Variants in PAX4 observed in about 807,000 individuals in gnomAD.
PAX4 encodes the protein paired box protein Pax-4.
A neutral mutation model predicts 40.6 loss-of-function variants in PAX4; 33 were observed. The observed-to-expected ratio is 0.81, with a 90% CI of 0.62 to 1.09. The LOEUF (loss-of-function observed/expected upper bound fraction) is 1.09. PAX4 is among the 50% of genes least tolerant of loss of function. PAX4 has a pLI of 0.00. For synonymous variants in PAX4, 174 were observed against 170.6 expected (o/e 1.02, Z -0.16); for missense variants, 459 against 442.5 (o/e 1.04, Z -0.33).
chr7:127,611,021 T>C lies in PAX4; in HGVS notation c.*43A>G. On this transcript the variant is annotated 3_prime_UTR_variant, in exon 12 of 12. Coordinates refer to ENST00000639438, the MANE Select transcript of PAX4 (RefSeq NM_001366110.1). The stretch of plus-strand genomic sequence containing the variant: ...AGGACGGTAAGGACAATGGGCAGGA[T>C]GGTATTAGATCTTCTCTATGCCATC... 1 of 1,572,178 alleles carries C rather than the reference T, an allele frequency of 6.4e-7. No homozygotes were observed. Among genetic ancestry groups the C allele is most frequent in the Non-Finnish European group, 8.6e-7 (1 of 1,156,312 alleles).
chr7:127,614,864 A>T lies in PAX4; in HGVS notation c.360+16T>A. 1 of 1,612,788 alleles carries T rather than the reference A, an allele frequency of 6.2e-7. No individual in the cohort carries two copies. Among genetic ancestry groups the T allele is most frequent in the Non-Finnish European group, 8.5e-7 (1 of 1,179,374 alleles). On this transcript the variant is annotated intron_variant, in intron 5 of 11. Transcript: ENST00000639438. ...CCTCTTTTCCAGCCCCAGTGTGGGG[A>T]GGGAAGGGTACTTACACTGGGAGTC...
chr7:127,610,824 A>G lies in PAX4; in HGVS notation c.*240T>C. On this transcript the variant is annotated 3_prime_UTR_variant, in exon 12 of 12. Transcript: ENST00000639438. ...ACTACTGCTAATAAAAACAGCTTTTATTACTGCTGAGTGGAGGCCTCTTAA... is the reference window on the plus strand; with the variant it reads ...ACTACTGCTAATAAAAACAGCTTTTGTTACTGCTGAGTGGAGGCCTCTTAA... The G allele has an allele frequency of 6.6e-7, 1 of 1,511,268 alleles. No individual in the cohort carries two copies. The highest frequency in any genetic ancestry group is 8.9e-7 in the Non-Finnish European group (1 of 1,123,890). 93.6% of individuals were successfully genotyped at this position (1,511,268 alleles called of 1,614,324 possible). A position where few individuals can be genotyped will look rare whatever the true frequency, so the allele number is the denominator to read the frequency against.
intron 4 of PAX4, 72 bp downstream of exon 4, chr7:127,615,329 C>A: frequency 1.9e-6 from 3 of 1,613,250 alleles, no homozygotes. Context: ...CAGCCCCAGG[C>A]TCTTGCCTTC....
Position 127,613,035 on chromosome 7 carries a change from T to C in PAX4, c.702A>G (p.Glu234=). ...CAGAGAAATCACCTGGCAGCTGCATTTCCCACTTGAGCTTCTCTTGCCGAC... is the reference window on the plus strand; with the variant it reads ...CAGAGAAATCACCTGGCAGCTGCATCTCCCACTTGAGCTTCTCTTGCCGAC... The part of the protein sequence containing the change: ...KWRRQEKLKW[E]MQLPGASQGL... Residue 234 remains glutamate (E), a synonymous_variant, in exon 9 of 12, where the codon GAA becomes GAG. Coordinates refer to ENST00000639438, the MANE Select transcript of PAX4 (RefSeq NM_001366110.1). The C allele has an allele frequency of 1.2e-6, 2 of 1,612,892 alleles. No homozygotes were observed. The highest frequency in any genetic ancestry group is 1.7e-6 in the Non-Finnish European group (2 of 1,179,826).
chr7:127,613,022 C>T lies in PAX4; in HGVS notation c.715G>A (p.Gly239Ser), dbSNP rs763061017. Reference sequence around the variant, plus strand: ...ATGGATGATGGTGCAGAGAAATCACCTGGCAGCTGCATTTCCCACTTGAGC... The same window carrying T: ...ATGGATGATGGTGCAGAGAAATCACTTGGCAGCTGCATTTCCCACTTGAGC... ...EKLKWEMQLPGASQGLTVPRV... is the reference protein window; with the variant it reads ...EKLKWEMQLPSASQGLTVPRV... Residue 239 changes from glycine (G) to serine (S), a missense_variant and splice_region_variant, in exon 9 of 12, where the codon GGT becomes AGT. Physicochemically the swap from Gly to Ser is moderately conservative, Grantham distance 56. Transcript: ENST00000639438. 6 of 1,612,054 alleles carry T rather than the reference C, an allele frequency of 3.7e-6. No individual in the cohort carries two copies. The highest frequency in any genetic ancestry group is 4.2e-6 in the Non-Finnish European group (5 of 1,179,282).
rs780379553 is a variant in PAX4, at chr7:127,611,691, C to G, written c.772-15G>C. On this transcript the variant is annotated splice_polypyrimidine_tract_variant and intron_variant, in intron 10 of 11. Transcript: ENST00000639438. ...CCAGGGGACTGCTAAAAAAAAAAAG[C>G]AAGAGAAGAACCTTAGCTTCCAGTG... 6.2e-6 allele frequency: 10 copies of G among 1,606,568 alleles called. No individual in the cohort carries two copies. In the South Asian group the frequency reaches 7.7e-5, roughly 12 times the overall value.
At position 127,614,516 on chromosome 7, in the gene PAX4, G is replaced by C. The variant is rs1794691778; in HGVS notation, c.402C>G (p.Asp134Glu). Residue 134 changes from aspartate to glutamate, a missense_variant, in exon 6 of 12, where the codon GAC becomes GAG. Physicochemically the swap from Asp to Glu is conservative, Grantham distance 45. Coordinates refer to ENST00000639438, the MANE Select transcript of PAX4 (RefSeq NM_001366110.1). ...TGAGCCGTGTGCACGGTAGTCCCTG[G>C]TCCTCCTGTAATGCCCGCAGGACTC... ...INRVLRALQE[D>E]QGLPCTRLRS... 1.3e-6 allele frequency: 2 copies of C among 1,597,362 alleles called. No homozygotes were observed. The highest frequency in any genetic ancestry group is 2.7e-5 in the African/African-American group (2 of 74,658).
chr7:127,615,129 A>C (rs1204185362), intron 4 of PAX4, 34 bp from the exon 5 acceptor site: 1 of 1,613,992 alleles, frequency 6.2e-7, no homozygotes, highest in African/African-American at 1.3e-5. Context: ...CAGGTGAGGC[A>C]TGATGGGCAG....
At chr7:127,614,675 G>T in intron 5 of PAX4, 118 bp from the exon 6 acceptor site, 1 of 1,120,686 alleles carries the variant, frequency 8.9e-7, no homozygotes, top group Non-Finnish European at 1.3e-6. Flanking sequence ...TGTTCCCAAG[G>T]GCAGCCTCCT....
In PAX4 at chr7:127,613,439, A is replaced by G; in HGVS notation, c.645+11T>C. On this transcript the variant is annotated intron_variant, in intron 8 of 11. Transcript: ENST00000639438. ...CCTTGTGGTTTGTACAGTGTTGCAG[A>G]GCTCACTCACCCTCACCGTGTCCTC... 6.2e-7 allele frequency: 1 copy of G among 1,613,390 alleles called. No individual in the cohort carries two copies. The highest frequency in any genetic ancestry group is 2.2e-5 in the East Asian group (1 of 44,882).
chr7:127,613,593 C>A (rs993590340), intron 7 of PAX4, 61 bp from the exon 8 acceptor site: 1 of 1,591,592 alleles, frequency 6.3e-7, no homozygotes, highest in East Asian at 2.2e-5. Context: ...ATGGGTCTCC[C>A]CTTAGGCAAC....
chr7:127,615,888 G>C (rs1194320414), intron 3 of PAX4, 28 bp downstream of exon 3: 1 of 1,536,062 alleles, frequency 6.5e-7, no homozygotes, highest in African/African-American at 1.4e-5. Flanking sequence ...TGTCCTCCCT[G>C]TCTTCCCACT....
chr7:127,610,916 G>C lies in PAX4; in HGVS notation c.*148C>G. On this transcript the variant is annotated 3_prime_UTR_variant, in exon 12 of 12. Transcript: ENST00000639438. ...TCCAATCAGGTGATGCGCCAGAGAG[G>C]CATCGAGGCAGGGCCAGGCAACGTC... is the stretch of plus-strand genomic sequence containing the variant. The C allele has an allele frequency of 6.5e-7, 1 of 1,546,614 alleles. No individual in the cohort carries two copies. The highest frequency in any genetic ancestry group is 8.7e-7 in the Non-Finnish European group (1 of 1,146,976).
Position 127,611,958 on chromosome 7 carries a change from A to T in PAX4, c.758T>A (p.Ile253Asn), listed in dbSNP as rs1435194203. Reference sequence around the variant, plus strand: ...CCTCCCGAGTACCTGTGCAGAGATGATTCCTGGGGCAACCCTTGGTACAGT... The same window carrying T: ...CCTCCCGAGTACCTGTGCAGAGATGTTTCCTGGGGCAACCCTTGGTACAGT... ...GLTVPRVAPGIISAQQSPGSV... is the reference protein window; with the variant it reads ...GLTVPRVAPGNISAQQSPGSV... Residue 253 changes from isoleucine (I) to asparagine (N), a missense_variant, in exon 10 of 12, where the codon ATC (isoleucine) becomes AAC (asparagine). Coordinates refer to ENST00000639438, the MANE Select transcript of PAX4 (RefSeq NM_001366110.1). 6.8e-6 allele frequency: 11 copies of T among 1,614,032 alleles called. No homozygotes were observed. The highest frequency in any genetic ancestry group is 9.3e-6 in the Non-Finnish European group (11 of 1,180,042).
rs1183532731 is a variant in PAX4, at chr7:127,611,225, A to G, written c.914-19T>C. ...AAGTGGCCTGTGGGGACAAATAGAG[A>G]GAGCTTGGGGTTATTGCTCCCACCC... On this transcript the variant is annotated intron_variant, in intron 11 of 11. Transcript: ENST00000639438. 2 of 1,580,386 alleles carry G rather than the reference A, an allele frequency of 1.3e-6. No individual in the cohort carries two copies. The highest frequency in any genetic ancestry group is 1.8e-5 in the Admixed American group (1 of 55,076).
Position 127,613,854 on chromosome 7 carries a change from GGAGTGAGGACAGCT to G in PAX4, c.450_463del (p.Ala151ProfsTer2). 6.2e-7 allele frequency: 1 copy of G among 1,614,020 alleles called. No homozygotes were observed. Among genetic ancestry groups the G allele is most frequent in the Middle Eastern group, 1.6e-4 (1 of 6,062 alleles). The stretch of plus-strand genomic sequence containing the variant: ...CCGGGGAGTCTCAGAGCCACTATGG[GGAGTGAGGACAGCT>G]GGAGCCAAAACAGCTGAAAAGGAAG... On this transcript the variant is annotated frameshift_variant, in exon 7 of 12. Transcript: ENST00000639438. LOFTEE classifies it high-confidence loss of function.
intron 7 of PAX4, 60 bp downstream of exon 7, chr7:127,613,696 G>A (rs1794675068): frequency 1.9e-6 from 3 of 1,611,762 alleles, no homozygotes; most frequent in Non-Finnish European, 2.5e-6. Context: ...AGGCCTCAGG[G>A]CCACTGTCCC....
rs2233580 is a variant in PAX4, at chr7:127,613,496, C to T, written c.599G>A (p.Arg200His). 4,752 of 1,614,164 alleles carry T rather than the reference C, an allele frequency of 2.9e-3. 258 individuals are homozygous for T. In the East Asian group the frequency reaches 0.1, roughly 34 times the overall value. Residue 200 changes from arginine (R) to histidine (H), a missense_variant, in exon 8 of 12, where the codon CGT (arginine) becomes CAT (histidine). By Grantham distance (29) the Arg-to-His change is conservative. Transcript: ENST00000639438. ...QRGQYPDSVA[R>H]GKLATATSLP... ...AGAGGTGGCAGTAGCCAGCTTTCCA[C>T]GGGCCACTGAATCAGGATACTGCCC...
chr7:127,610,543 G>A lies in PAX4; in HGVS notation c.*521C>T, dbSNP rs712699. ...TAGGAATAAAATGCCATGATATAAT[G>A]TCAGTGTGTGTGTGTGTGTGTGTGT... is the stretch of plus-strand genomic sequence containing the variant. On this transcript the variant is annotated 3_prime_UTR_variant, in exon 12 of 12. Coordinates refer to ENST00000639438, the MANE Select transcript of PAX4 (RefSeq NM_001366110.1). The A allele has an allele frequency of 0.73, 166,019 of 228,788 alleles. 62,305 individuals carry two copies. The highest frequency in any genetic ancestry group is 0.83 in the Middle Eastern group (545 of 654). 14.2% of individuals were successfully genotyped at this position (228,788 alleles called of 1,614,324 possible). A position where few individuals can be genotyped will look rare whatever the true frequency, so the allele number is the denominator to read the frequency against.
Sources: allele counts gnomAD v4.1 joint callset, GRCh38; gene constraint gnomAD v4.1.1; transcripts MANE v1.5; gene names NCBI Gene and HGNC (gene_info 2026-07-23, HGNC 2026-07-21).